The following SPIDR variants were observed in gnomAD, a reference collection of about 807,000 sequenced individuals.
SPIDR encodes the protein DNA repair-scaffolding protein.
SPIDR carries 93 observed loss-of-function variants against 104.6 expected under a neutral mutation model. The observed-to-expected ratio is 0.89, with a 90% confidence interval of 0.75 to 1.06. The LOEUF (loss-of-function observed/expected upper bound fraction) is 1.06, where lower values mean the gene tolerates loss of function less well. Ranked by LOEUF, SPIDR falls within the 50% of genes least tolerant of loss-of-function variation. The pLI is 0.00. For missense variants in SPIDR, 1,154 were observed against 1,111.2 expected, an observed-to-expected ratio of 1.04 and a Z score of -0.55; for synonymous variants, 431 against 416.9, an observed-to-expected ratio of 1.03 and a Z score of -0.41.
intron 5 of SPIDR, among the ~76,000 whole-genome samples, chr8:47,341,907 C>T (rs1554614296): frequency 6.6e-6 from 1 of 152,138 alleles, no homozygotes; most frequent in African/African-American, 2.4e-5. Context: ...CAGTCCCTGC[C>T]AAAACCACAC....
At chr8:47,383,359 C>T (rs958519664) in intron 5 of SPIDR, among the ~76,000 whole-genome samples, 1 of 152,190 alleles carries the variant, frequency 6.6e-6, no homozygotes, top group African/African-American at 2.4e-5. Context: ...GACTCTTTCT[C>T]TGAAGTGTTT....
At chr8:47,654,578 A>G (rs1563437046) in intron 10 of SPIDR, among the ~76,000 whole-genome samples, 1 of 152,186 alleles carries the variant, frequency 6.6e-6, no homozygotes. Flanking sequence ...TGTGTACCCT[A>G]CGAAATATAG....
At chr8:47,679,763 T>G (rs1286008813) in intron 11 of SPIDR, among the ~76,000 whole-genome samples, 2 of 152,246 alleles carry the variant, frequency 1.3e-5, no homozygotes, top group African/African-American at 4.8e-5. Flanking sequence ...AGTGAAGGTG[T>G]GTCAATTGCA....
intron 1 of SPIDR, among the ~76,000 whole-genome samples, chr8:47,263,981 G>C (rs1228952632): frequency 6.6e-6 from 1 of 152,156 alleles, no homozygotes; most frequent in Non-Finnish European, 1.5e-5. Flanking sequence ...CATATCCCTT[G>C]TATGTACTAG....
At chr8:47,469,420 A>G (rs1457171988) in intron 8 of SPIDR, among the ~76,000 whole-genome samples, 29 of 152,188 alleles carry the variant, frequency 1.9e-4, no homozygotes, top group Non-Finnish European at 1.5e-5. Context: ...GCAGGCAAGC[A>G]TATGTTTGTT....
At chr8:47,367,024 T>G (rs955330934) in intron 5 of SPIDR, among the ~76,000 whole-genome samples, 6 of 152,246 alleles carry the variant, frequency 3.9e-5, no homozygotes, top group African/African-American at 7.2e-5. Flanking sequence ...TGGCTTATAC[T>G]CCTGTGATTA....
At chr8:47,555,627 A>G (rs1341911346) in intron 8 of SPIDR, among the ~76,000 whole-genome samples, 1 of 152,216 alleles carries the variant, frequency 6.6e-6, no homozygotes, top group African/African-American at 2.4e-5. Context: ...TGGAGGTGCT[A>G]ATAGTTGGAG....
chr8:47,591,870 A>G (rs940240430), intron 8 of SPIDR, among the ~76,000 whole-genome samples: 12 of 151,138 alleles, frequency 7.9e-5, no homozygotes, highest in African/African-American at 2.4e-4. Context: ...TTAAACCAGG[A>G]TGGGGGAAGT....
intron 5 of SPIDR, among the ~76,000 whole-genome samples, chr8:47,361,207 CAGG>C (rs1162330531): frequency 3.3e-5 from 5 of 152,132 alleles, no homozygotes; most frequent in Non-Finnish European, 7.3e-5. Flanking sequence ...TATGGAGCAT[CAGG>C]AGGAGGAAAA....
intron 8 of SPIDR, among the ~76,000 whole-genome samples, chr8:47,590,437 T>C (rs1035032968): frequency 4.6e-5 from 7 of 152,244 alleles, no homozygotes; most frequent in Admixed American, 1.3e-4. Context: ...CCTTGGATTA[T>C]TTAGAAATAT....
intron 8 of SPIDR, among the ~76,000 whole-genome samples, chr8:47,558,463 CTT>C (rs1244199730): frequency 6.6e-6 from 1 of 151,946 alleles, no homozygotes; most frequent in Non-Finnish European, 1.5e-5. Flanking sequence ...AATCATATAT[CTT>C]GAGTCTTTTT....
intron 11 of SPIDR, among the ~76,000 whole-genome samples, chr8:47,677,115 G>A (rs564128678): frequency 4.4e-4 from 67 of 152,164 alleles, no homozygotes; most frequent in South Asian, 2.3e-3. Context: ...CTTCCTCTCC[G>A]GGGCACACCT....
intron 10 of SPIDR, among the ~76,000 whole-genome samples, chr8:47,635,187 T>A (rs1380155562): frequency 7.3e-5 from 11 of 149,904 alleles, no homozygotes; most frequent in Non-Finnish European, 1.5e-4. Flanking sequence ...AAAAAAAAAA[T>A]ACAAAAATTA....
intron 8 of SPIDR, among the ~76,000 whole-genome samples, chr8:47,485,732 C>T (rs113511413): frequency 8.5e-5 from 13 of 152,298 alleles, no homozygotes; most frequent in African/African-American, 2.9e-4. Flanking sequence ...CTGCTGATAC[C>T]CAGGCAAACA....
intron 8 of SPIDR, among the ~76,000 whole-genome samples, chr8:47,465,310 G>A (rs946941452): frequency 1.3e-5 from 2 of 152,094 alleles, no homozygotes; most frequent in Non-Finnish European, 2.9e-5. Flanking sequence ...AACCAGACAA[G>A]TCTACATAAT....
At chr8:47,626,574 C>T (rs561622674) in intron 10 of SPIDR, among the ~76,000 whole-genome samples, 14 of 152,186 alleles carry the variant, frequency 9.2e-5, no homozygotes, top group East Asian at 3.9e-4. Context: ...AACAAATGGG[C>T]GAAGGATATG....
At chr8:47,579,906 G>A (rs1269763171) in intron 8 of SPIDR, among the ~76,000 whole-genome samples, 1 of 152,208 alleles carries the variant, frequency 6.6e-6, no homozygotes, top group African/African-American at 2.4e-5. Context: ...CCTGGGAGAT[G>A]GTCTGGTATC....
In SPIDR at chr8:47,489,867, A is replaced by G. The variant is rs868988831; in HGVS notation, c.1097+49325A>G. On this transcript the variant is annotated intron_variant, in intron 8 of 19. Coordinates refer to ENST00000297423, the MANE Select transcript of SPIDR (RefSeq NM_001080394.4). The stretch of plus-strand genomic sequence containing the variant: ...CCAATTAATTCAAGATGGATTAAAG[A>G]CTTAAATGTTAGACCTAAAACCATA... 6.6e-5 allele frequency among the ~76,000 whole-genome samples: 10 copies of G among 152,348 alleles called. No homozygotes were observed. The South Asian group carries it at 1.7e-3, about 25-fold the overall frequency.
intron 17 of SPIDR, among the ~76,000 whole-genome samples, chr8:47,728,262 T>C (rs1038226329): frequency 6.7e-6 from 1 of 148,978 alleles, no homozygotes; most frequent in African/African-American, 2.5e-5. Context: ...CCCATCTCTA[T>C]TATTAATTTT....
Sources: allele counts gnomAD v4.1 joint callset (sites outside exome capture counted in the v4.1 genomes callset), GRCh38; gene constraint gnomAD v4.1.1; transcripts MANE v1.5; gene names NCBI Gene and HGNC (gene_info 2026-07-23, HGNC 2026-07-21).